The following NEK7 variants were observed in gnomAD, a reference collection of about 807,000 sequenced individuals.
The protein encoded by NEK7 is serine/threonine-protein kinase Nek7.
In NEK7, 18 loss-of-function variants were observed where a neutral mutation model predicts 44.6. The ratio of observed to expected loss-of-function variants is 0.40; its 90% CI spans 0.28 to 0.60. NEK7 has a LOEUF of 0.60. NEK7 is among the 20% of genes least tolerant of loss of function. The pLI is 0.38. For missense variants in NEK7, 256 were observed against 366.5 expected (o/e 0.70, Z 2.46); for synonymous variants, 130 against 121.1 (o/e 1.07, Z -0.48).
At chr1:198,295,179 A>C (rs901452313) in intron 8 of NEK7, among the ~76,000 whole-genome samples, 4 of 151,978 alleles carry the variant, frequency 2.6e-5, no homozygotes, top group Non-Finnish European at 1.5e-5. Context: ...CTTTTGCTAC[A>C]CGGACCTTTA....
chr1:198,315,659 C>A (rs1274347817), intron 9 of NEK7, among the ~76,000 whole-genome samples: 1 of 152,068 alleles, frequency 6.6e-6, no homozygotes, highest in Non-Finnish European at 1.5e-5. Flanking sequence ...GTTTAAGGAG[C>A]CTGAGACCAA....
intron 2 of NEK7, among the ~76,000 whole-genome samples, chr1:198,249,921 T>G (rs928897972): frequency 2.0e-5 from 3 of 147,608 alleles, no homozygotes; most frequent in African/African-American, 7.7e-5. Context: ...TTGTTGCCAT[T>G]GCTTTTGGTG....
intron 7 of NEK7, among the ~76,000 whole-genome samples, chr1:198,291,732 C>T (rs950556228): frequency 4.0e-5 from 6 of 151,846 alleles, no homozygotes; most frequent in African/African-American, 9.7e-5. Context: ...AAACGGATTC[C>T]GATACAGGTA....
intron 9 of NEK7, among the ~76,000 whole-genome samples, chr1:198,317,881 T>TTTTA (rs1655417460): frequency 9.8e-6 from 1 of 101,566 alleles, no homozygotes; most frequent in African/African-American, 4.6e-5. Context: ...ATATTTATTT[T>TTTTA]TTTTTTTTTT....
intron 1 of NEK7, among the ~76,000 whole-genome samples, chr1:198,220,306 C>G (rs1025982592): frequency 6.6e-6 from 1 of 151,958 alleles, no homozygotes; most frequent in African/African-American, 2.4e-5. Flanking sequence ...GTTTCAGACT[C>G]AGCTTGTTCT....
At chr1:198,309,838 T>A (rs1208797773) in intron 9 of NEK7, among the ~76,000 whole-genome samples, 1 of 152,234 alleles carries the variant, frequency 6.6e-6, no homozygotes, top group Non-Finnish European at 1.5e-5. Context: ...TAATCCAGTC[T>A]ATCATTGTTG....
In NEK7 at chr1:198,239,359, T is replaced by C. The variant is rs553156037; in HGVS notation, c.57+6722T>C. 1.3e-5 allele frequency among the ~76,000 whole-genome samples: 2 copies of C among 152,246 alleles called. 1 individual carries two copies. The highest frequency in any genetic ancestry group is 4.1e-4 in the South Asian group (2 of 4,826). The stretch of plus-strand genomic sequence containing the variant: ...GACTCAGATTCAGCCATTTGTTGAT[T>C]ATAACCATGCTTTTTTCATCTCCAA... On this transcript the variant is annotated intron_variant, in intron 2 of 9. Coordinates refer to ENST00000367385, the MANE Select transcript of NEK7 (RefSeq NM_133494.3).
chr1:198,202,336 G>T (rs1665456118), intron 1 of NEK7, among the ~76,000 whole-genome samples: 1 of 152,084 alleles, frequency 6.6e-6, no homozygotes, highest in Non-Finnish European at 1.5e-5. Flanking sequence ...CCTCACTTTA[G>T]CAATCCCCTG....
At position 198,315,466 on chromosome 1, in the gene NEK7, T is replaced by C. The variant is rs1655341606; in HGVS notation, c.799-3946T>C. Among the ~76,000 whole-genome samples the C allele has an allele frequency of 2.0e-5, 3 of 152,138 alleles. No individual in the cohort carries two copies. The South Asian group carries it at 6.2e-4, about 31-fold the overall frequency. On this transcript the variant is annotated intron_variant, in intron 9 of 9. Coordinates refer to ENST00000367385, the MANE Select transcript of NEK7 (RefSeq NM_133494.3). ...CGGCCATCTTGGCTCCTCCTCCCCA[T>C]CTATGGTGGGCCTTAGCTTTTCTAA... is the stretch of plus-strand genomic sequence containing the variant.
intron 9 of NEK7, among the ~76,000 whole-genome samples, chr1:198,302,508 T>C (rs186171477): frequency 1.3e-5 from 2 of 152,258 alleles, no homozygotes; most frequent in Admixed American, 1.3e-4. Context: ...TCCTATATTG[T>C]TGAAACAAGA....
chr1:198,209,888 CT>C (rs1665713894), intron 1 of NEK7, among the ~76,000 whole-genome samples: 1 of 152,124 alleles, frequency 6.6e-6, no homozygotes, highest in Non-Finnish European at 1.5e-5. Context: ...GTGATCTCGA[CT>C]TACTGCAACT....
intron 1 of NEK7, among the ~76,000 whole-genome samples, chr1:198,189,485 T>A (rs548902413): frequency 1.3e-5 from 2 of 152,156 alleles, no homozygotes; most frequent in African/African-American, 4.8e-5. Context: ...GGTCAGACTT[T>A]CCATTATTAA....
chr1:198,215,417 C>A (rs1665890431), intron 1 of NEK7, among the ~76,000 whole-genome samples: 1 of 152,166 alleles, frequency 6.6e-6, no homozygotes, highest in Admixed American at 6.5e-5. Flanking sequence ...CCTAGGATAT[C>A]TTTGAATGCA....
At chr1:198,278,224 C>G (rs1227239113) in intron 6 of NEK7, among the ~76,000 whole-genome samples, 155 bp downstream of exon 6, 1 of 149,136 alleles carries the variant, frequency 6.7e-6, no homozygotes, top group African/African-American at 2.5e-5. Context: ...AAATAAAGCA[C>G]TACTAGGTTT....
intron 7 of NEK7, among the ~76,000 whole-genome samples, chr1:198,284,238 G>A (rs1196450549): frequency 2.0e-5 from 3 of 152,100 alleles, no homozygotes; most frequent in Non-Finnish European, 2.9e-5. Context: ...TTCCTAGTCT[G>A]GGTTTACTCT....
At chr1:198,194,556 G>A (rs1338073932) in intron 1 of NEK7, among the ~76,000 whole-genome samples, 2 of 148,630 alleles carry the variant, frequency 1.3e-5, no homozygotes, top group African/African-American at 5.0e-5. Flanking sequence ...TTATAGGGGA[G>A]AACAAGTGGT....
At chr1:198,210,664 A>G (rs145888316) in intron 1 of NEK7, among the ~76,000 whole-genome samples, 2 of 148,610 alleles carry the variant, frequency 1.3e-5, no homozygotes, top group African/African-American at 5.0e-5. Context: ...TAAACATTAT[A>G]TATACTTTGT....
At chr1:198,214,582 T>C (rs1313706283) in intron 1 of NEK7, among the ~76,000 whole-genome samples, 5 of 152,138 alleles carry the variant, frequency 3.3e-5, no homozygotes, top group Admixed American at 6.5e-5. Flanking sequence ...AGGAAAGAAT[T>C]ACAGAGCTTG....
intron 1 of NEK7, among the ~76,000 whole-genome samples, chr1:198,173,211 T>C (rs1400204666): frequency 6.6e-6 from 1 of 152,080 alleles, no homozygotes; most frequent in African/African-American, 2.4e-5. Context: ...GGAGGATTGC[T>C]TGAGACTGGG....
Sources: gnomAD v4.1 joint callset for allele counts (sites outside exome capture counted in the v4.1 genomes callset) on GRCh38, gnomAD v4.1.1 for gene constraint, MANE v1.5 for transcripts, NCBI Gene and HGNC (gene_info 2026-07-23, HGNC 2026-07-21) for gene names.